Variants in NPAS3 observed in about 807,000 individuals in gnomAD.
The protein encoded by NPAS3 is neuronal PAS domain-containing protein 3.
A neutral mutation model predicts 73.1 loss-of-function variants in NPAS3; 14 were observed. The ratio of observed to expected loss-of-function variants is 0.19; its 90% CI spans 0.13 to 0.30. The LOEUF (loss-of-function observed/expected upper bound fraction) is 0.30, where lower values mean the gene tolerates loss of function less well. Ranked by LOEUF, NPAS3 falls within the 10% of genes least tolerant of loss-of-function variation. The pLI is 1.00. For missense variants in NPAS3, 1,096 were observed against 1,250.0 expected (o/e 0.88, Z 1.86); for synonymous variants, 620 against 541.5 (o/e 1.14, Z -2.01).
chr14:33,116,929 C>T (rs2043083953), intron 2 of NPAS3, among the ~76,000 whole-genome samples: 1 of 152,012 alleles, frequency 6.6e-6, no homozygotes, highest in South Asian at 2.1e-4. Flanking sequence ...GGACCTGTGG[C>T]CAAAGTATTA....
In NPAS3 at chr14:33,204,049, A is replaced by G. The variant is rs545275664; in HGVS notation, c.141-11133A>G. Among the ~76,000 whole-genome samples the G allele has an allele frequency of 2.6e-5, 4 of 152,076 alleles. No individual in the cohort carries two copies. The East Asian group carries it at 7.8e-4, about 30-fold the overall frequency. ...GAGATGGTATCTCATTGTGGTTTTG[A>G]TTTGCGTTTCTCTGATGGCCGGTGA... On this transcript the variant is annotated intron_variant, in intron 2 of 11. Transcript: ENST00000356141.
At chr14:33,244,065 T>G (rs2048298277) in intron 3 of NPAS3, among the ~76,000 whole-genome samples, 1 of 152,092 alleles carries the variant, frequency 6.6e-6, no homozygotes, top group Admixed American at 6.6e-5. Context: ...TTCCTATACA[T>G]GTTGGGTGTC....
intron 3 of NPAS3, among the ~76,000 whole-genome samples, chr14:33,252,855 T>G (rs1380260776): frequency 5.9e-5 from 9 of 151,678 alleles, no homozygotes; most frequent in Admixed American, 3.9e-4. Flanking sequence ...TATGTACCCA[T>G]TGTTTGGCTC....
At chr14:33,663,444 G>C (rs895087098) in intron 5 of NPAS3, among the ~76,000 whole-genome samples, 4 of 152,180 alleles carry the variant, frequency 2.6e-5, no homozygotes, top group African/African-American at 7.2e-5. Flanking sequence ...TAAGCTTTTT[G>C]ATGTGCTGCT....
rs560185696 is a variant in NPAS3 at position 33,538,021 on chromosome 14, G to A, written c.469-22100G>A. On this transcript the variant is annotated intron_variant, in intron 4 of 11. Coordinates refer to ENST00000356141, the Ensembl canonical transcript of NPAS3. ...GCCCATAAGCTAAGCATCGGGTTGT[G>A]GTGGCATAGACCATAAACCTGTGCA... is the stretch of plus-strand genomic sequence containing the variant. 2.0e-5 allele frequency among the ~76,000 whole-genome samples: 3 copies of A among 151,850 alleles called. No individual in the cohort carries two copies. The South Asian group carries it at 6.2e-4, about 32-fold the overall frequency.
chr14:33,442,468 T>C (rs2139289983), intron 4 of NPAS3, among the ~76,000 whole-genome samples: 1 of 152,280 alleles, frequency 6.6e-6, no homozygotes, highest in African/African-American at 2.4e-5. Flanking sequence ...GGTTTGGCTG[T>C]GTCCCAAATC....
intron 3 of NPAS3, among the ~76,000 whole-genome samples, chr14:33,356,733 T>C (rs999447437): frequency 1.3e-5 from 2 of 152,200 alleles, no homozygotes; most frequent in Non-Finnish European, 2.9e-5. Context: ...ATTTTTGTAA[T>C]TGCATATGCA....
intron 1 of NPAS3, among the ~76,000 whole-genome samples, chr14:32,994,630 G>GTTTTTTTTTTTTTTTTTTTTT (rs777136450): frequency 8.1e-6 from 1 of 123,600 alleles, no homozygotes; most frequent in African/African-American, 3.6e-5. Flanking sequence ...TTGTTTGTTT[G>GTTTTTTTTTTTTTTTTTTTTT]TTTTTGTTTT....
intron 1 of NPAS3, among the ~76,000 whole-genome samples, chr14:33,017,555 T>C (rs534939726): frequency 6.6e-5 from 10 of 152,256 alleles, no homozygotes; most frequent in African/African-American, 2.2e-4. Flanking sequence ...ATGGTTCTGT[T>C]CAACAGTTAA....
At chr14:33,396,391 A>T (rs1716973429) in intron 4 of NPAS3, among the ~76,000 whole-genome samples, 1 of 152,116 alleles carries the variant, frequency 6.6e-6, no homozygotes, top group Non-Finnish European at 1.5e-5. Flanking sequence ...CAAGGAAAAT[A>T]CCTTTGTTAT....
chr14:33,390,873 A>G (rs1413336711), intron 4 of NPAS3, among the ~76,000 whole-genome samples: 3 of 152,186 alleles, frequency 2.0e-5, no homozygotes, highest in African/African-American at 7.2e-5. Context: ...TCAAAATTAA[A>G]ATAGGTGTAT....
intron 2 of NPAS3, among the ~76,000 whole-genome samples, chr14:33,180,976 A>T (rs901644917): frequency 2.6e-5 from 4 of 152,052 alleles, no homozygotes; most frequent in Admixed American, 1.3e-4. Context: ...TATGTACCTC[A>T]TGTTTTCCCA....
At chr14:33,161,143 G>A (rs945652444) in intron 2 of NPAS3, among the ~76,000 whole-genome samples, 1 of 152,146 alleles carries the variant, frequency 6.6e-6, no homozygotes, top group Non-Finnish European at 1.5e-5. Flanking sequence ...TTATTTAAAA[G>A]TATTCTTTAG....
At chr14:33,719,952 T>A (rs758088904) in intron 6 of NPAS3, among the ~76,000 whole-genome samples, 2 of 152,048 alleles carry the variant, frequency 1.3e-5, no homozygotes, top group Non-Finnish European at 2.9e-5. Flanking sequence ...GGGAGTTTTA[T>A]AATAAGAAAA....
intron 2 of NPAS3, among the ~76,000 whole-genome samples, chr14:33,204,711 A>G (rs2046758749): frequency 6.6e-6 from 1 of 152,168 alleles, no homozygotes; most frequent in Admixed American, 6.5e-5. Context: ...TAAAGGACAT[A>G]GAAACCCTAG....
intron 7 of NPAS3, among the ~76,000 whole-genome samples, chr14:33,743,626 A>T (rs1017453648): frequency 3.3e-5 from 5 of 152,248 alleles, no homozygotes; most frequent in African/African-American, 4.8e-5. Flanking sequence ...TCCTTACAAG[A>T]AAATCCACCT....
chr14:32,967,874 T>C (rs1226100211), intron 1 of NPAS3, among the ~76,000 whole-genome samples: 1 of 151,082 alleles, frequency 6.6e-6, no homozygotes, highest in Admixed American at 6.6e-5. Flanking sequence ...GTTGAGGAGA[T>C]ATCATTGTGT....
At chr14:33,222,982 G>C (rs2047488731) in intron 3 of NPAS3, among the ~76,000 whole-genome samples, 1 of 152,108 alleles carries the variant, frequency 6.6e-6, no homozygotes, top group Non-Finnish European at 1.5e-5. Context: ...CCTGTGGTAG[G>C]GTTCCCCCAT....
At chr14:33,182,701 G>A (rs943038344) in intron 2 of NPAS3, among the ~76,000 whole-genome samples, 1 of 152,064 alleles carries the variant, frequency 6.6e-6, no homozygotes, top group Admixed American at 6.6e-5. Context: ...TCCACATGGG[G>A]TTCTGGTTCT....
Sources: allele counts gnomAD v4.1 joint callset (sites outside exome capture counted in the v4.1 genomes callset), GRCh38; gene constraint gnomAD v4.1.1; transcripts MANE v1.5; gene names NCBI Gene and HGNC (gene_info 2026-07-23, HGNC 2026-07-21).